SEMA4B: variants seen among roughly 807,000 people sequenced by gnomAD.
SEMA4B encodes the protein semaphorin-4B.
Under a neutral mutation model 88.1 loss-of-function variants are expected in SEMA4B, and 55 were observed. That is an observed-to-expected ratio of 0.62 (90% CI 0.50 to 0.78). SEMA4B has a LOEUF of 0.78. Among genes scored for constraint, SEMA4B ranks in the 30% least tolerant of loss-of-function variants. SEMA4B has a pLI of 0.00. For missense variants in SEMA4B, 1,062 were observed against 1,111.9 expected (o/e 0.96, Z 0.64); for synonymous variants, 525 against 473.6 (o/e 1.11, Z -1.41).
In SEMA4B at chr15:90,221,652, C is replaced by G. The variant is rs527922399; in HGVS notation, c.748C>G (p.Leu250Val). The G allele has an allele frequency of 1.7e-5, 28 of 1,614,040 alleles. No homozygotes were observed. The South Asian group carries it at 2.9e-4, about 16-fold the overall frequency. Reference sequence around the variant, plus strand: ...GGCCTCAGCCTACATTCCTGAGAGCCTGGGCAGCTTGCAAGGCGATGATGA... The same window carrying G: ...GGCCTCAGCCTACATTCCTGAGAGCGTGGGCAGCTTGCAAGGCGATGATGA... ...FVASAYIPES[L>V]GSLQGDDDKI... Residue 250 changes from leucine to valine, a missense_variant, in exon 7 of 14, where the codon CTG becomes GTG. By Grantham distance (32) the Leu-to-Val change is conservative. Coordinates refer to ENST00000411539, the MANE Select transcript of SEMA4B (RefSeq NM_198925.4).
chr15:90,223,092 T>G (rs183441199), intron 7 of SEMA4B, among the ~76,000 whole-genome samples: 7 of 151,948 alleles, frequency 4.6e-5, no homozygotes, highest in South Asian at 2.1e-4. Context: ...CAGCCCCTCA[T>G]GTAGCTGGGA....
At chr15:90,219,206 T>C (rs1246233302) in intron 3 of SEMA4B, 2 of 151,834 alleles carry the variant, frequency 1.3e-5, no homozygotes, top group Non-Finnish European at 2.9e-5. Context: ...GATTTCTGGG[T>C]GGGAAATTAT....
chr15:90,225,537 T>A, intron 11 of SEMA4B, 124 bp from the exon 12 acceptor site: 1 of 1,286,442 alleles, frequency 7.8e-7, no homozygotes. Context: ...TATTAGAAAG[T>A]GGGGTCGCCT....
chr15:90,219,770 AT>A (rs753729597), intron 3 of SEMA4B, 22 bp from the exon 4 acceptor site: 3 of 1,591,060 alleles, frequency 1.9e-6, no homozygotes, highest in Non-Finnish European at 2.6e-6. Context: ...TGGGACTGAT[AT>A]CCCCTCGCTC....
intron 1 of SEMA4B, among the ~76,000 whole-genome samples, chr15:90,187,852 A>G (rs1440937065): frequency 6.6e-6 from 1 of 151,974 alleles, no homozygotes; most frequent in Non-Finnish European, 1.5e-5. Context: ...TAAAAATACA[A>G]AAATTAGCCG....
At position 90,225,636 on chromosome 15, in the gene SEMA4B, C is replaced by G. The variant is rs758955595; in HGVS notation, c.1522-25C>G. 5 of 1,554,730 alleles carry G rather than the reference C, an allele frequency of 3.2e-6. No individual in the cohort carries two copies. In the South Asian group the frequency reaches 5.9e-5, roughly 18 times the overall value. On this transcript the variant is annotated intron_variant, in intron 11 of 13. Coordinates refer to ENST00000411539, the MANE Select transcript of SEMA4B (RefSeq NM_198925.4). ...TGGCCCTGGCTGCCCATGCCCGCTT[C>G]TCATCCCCGTGTCTGGCTGTGCAGG...
rs1482737645 is a variant in SEMA4B, at chr15:90,212,663, CA to C, written c.158-4775del. ...CCGTGTACACACACACACACACACA[CA>C]CACCACAGGCAAGCTCAGGCAGGGT... On this transcript the variant is annotated intron_variant, in intron 1 of 13. Coordinates refer to ENST00000411539, the MANE Select transcript of SEMA4B (RefSeq NM_198925.4). The surrounding 1 kb of genome is among the most constrained non-coding windows in gnomAD (Gnocchi z 4.0). Among the ~76,000 whole-genome samples, 390 of 152,088 alleles carry C rather than the reference CA, an allele frequency of 2.6e-3. 1 individual carries two copies. Among genetic ancestry groups the C allele is most frequent in the Non-Finnish European group, 4.4e-3 (297 of 67,956 alleles).
chr15:90,220,548 T>C (rs1961769497), intron 4 of SEMA4B, among the ~76,000 whole-genome samples: 1 of 151,684 alleles, frequency 6.6e-6, no homozygotes, highest in Non-Finnish European at 1.5e-5. Context: ...TTTCTATTTT[T>C]CGGTAGAGAG....
intron 1 of SEMA4B, among the ~76,000 whole-genome samples, chr15:90,209,394 A>AAAT (rs1555422365): frequency 4.1e-4 from 60 of 147,038 alleles, no homozygotes; most frequent in Admixed American, 3.0e-3. Flanking sequence ...CTACTAAAAA[A>AAAT]ATATATATAT....
At chr15:90,188,851 G>A (rs867125803) in intron 1 of SEMA4B, among the ~76,000 whole-genome samples, 1 of 151,804 alleles carries the variant, frequency 6.6e-6, no homozygotes, top group South Asian at 2.1e-4. Flanking sequence ...TGTATTTTTA[G>A]TAGAGACGGG....
At position 90,229,389 on chromosome 15, in the gene SEMA4B, G is replaced by A. The variant is rs1175965139; in HGVS notation, c.*746G>A. 2.2e-6 allele frequency: 1 copy of A among 456,498 alleles called. No homozygotes were observed. Among genetic ancestry groups the A allele is most frequent in the African/African-American group, 2.0e-5 (1 of 50,032 alleles). The allele number at this position is 456,498 out of a possible 1,614,324, so 28.3% of individuals were successfully genotyped here. ...CTCAGAATTCAGGGAAGAGACTGTC[G>A]CCTGCCTTCCTCCGTTGTTGCGTGA... On this transcript the variant is annotated 3_prime_UTR_variant, in exon 14 of 14. Coordinates refer to ENST00000411539, the MANE Select transcript of SEMA4B (RefSeq NM_198925.4).
At position 90,221,731 on chromosome 15, in the gene SEMA4B, A is replaced by C. The variant is rs945033663; in HGVS notation, c.827A>C (p.Asn276Thr). 1 of 1,613,800 alleles carries C rather than the reference A, an allele frequency of 6.2e-7. No homozygotes were observed. The highest frequency in any genetic ancestry group is 1.3e-5 in the African/African-American group (1 of 74,894). Residue 276 changes from asparagine (N) to threonine (T), a missense_variant, in exon 7 of 14, where the codon AAC (asparagine) becomes ACC (threonine). Asn to Thr is a moderately conservative substitution (Grantham distance 65, BLOSUM62 0). Coordinates refer to ENST00000411539, the MANE Select transcript of SEMA4B (RefSeq NM_198925.4). The stretch of plus-strand genomic sequence containing the variant: ...GGCCAGGAATTTGAGTTCTTTGAGA[A>C]CACCATTGTGTCCCGCATTGCCCGC... ...ETGQEFEFFE[N>T]TIVSRIARIC...
At chr15:90,202,319 C>G (rs761136232) in intron 1 of SEMA4B, among the ~76,000 whole-genome samples, 101 of 152,044 alleles carry the variant, frequency 6.6e-4, no homozygotes, top group Non-Finnish European at 9.0e-4. Flanking sequence ...CGCTGACATT[C>G]CCAAGTCCTG....
chr15:90,220,196 A>C (rs1020105480), intron 4 of SEMA4B: 3 of 333,632 alleles, frequency 9.0e-6, no homozygotes, highest in Non-Finnish European at 1.7e-5. Flanking sequence ...CCTTTGCTTG[A>C]TTCTCTTGTC....
At chr15:90,223,399 G>A (rs576700931) in intron 7 of SEMA4B, among the ~76,000 whole-genome samples, 160 bp from the exon 8 acceptor site, 212 of 152,268 alleles carry the variant, frequency 1.4e-3, no homozygotes, top group African/African-American at 4.7e-3. Context: ...TGATGGATGC[G>A]TACACTGCTC....
chr15:90,210,557 T>C (rs1961216041), intron 1 of SEMA4B, among the ~76,000 whole-genome samples: 1 of 152,146 alleles, frequency 6.6e-6, no homozygotes, highest in Non-Finnish European at 1.5e-5. Context: ...CGGGGATGAC[T>C]TGCACCTGAA....
Position 90,228,742 on chromosome 15 carries a change from G to A in SEMA4B, c.*99G>A, listed in dbSNP as rs1198811609. 1.6e-5 allele frequency: 24 copies of A among 1,504,926 alleles called. No individual in the cohort carries two copies. The Admixed American group carries it at 2.6e-4, about 16-fold the overall frequency. The allele number at this position is 1,504,926 out of a possible 1,614,324, so 93.2% of individuals were successfully genotyped here. On this transcript the variant is annotated 3_prime_UTR_variant, in exon 14 of 14. Coordinates refer to ENST00000411539, the MANE Select transcript of SEMA4B (RefSeq NM_198925.4). The stretch of plus-strand genomic sequence containing the variant: ...CTCCGCTCTGCTCTTCGTGGAACAC[G>A]ACCGTGGTGCCCGGCCCTTGGGAGC...
chr15:90,202,130 T>C (rs1021643895), intron 1 of SEMA4B, among the ~76,000 whole-genome samples: 2 of 152,190 alleles, frequency 1.3e-5, no homozygotes, highest in Non-Finnish European at 2.9e-5. Context: ...CTATAAACAC[T>C]GGGGTTCTGG....
At chr15:90,194,350 T>C (rs1960436196) in intron 1 of SEMA4B, among the ~76,000 whole-genome samples, 1 of 151,402 alleles carries the variant, frequency 6.6e-6, no homozygotes, top group Non-Finnish European at 1.5e-5. Context: ...GTGACCAACA[T>C]GGTGAAACCT....
Sources: allele counts gnomAD v4.1 joint callset (sites outside exome capture counted in the v4.1 genomes callset), GRCh38; gene constraint gnomAD v4.1.1; non-coding constraint Gnocchi (gnomAD v3.1); transcripts MANE v1.5; gene names NCBI Gene and HGNC (gene_info 2026-07-23, HGNC 2026-07-21).